The following KCNN2 variants were observed in gnomAD, a reference collection of about 807,000 sequenced individuals.
KCNN2 encodes the protein small conductance calcium-activated potassium channel protein 2.
Under a neutral mutation model 55.5 loss-of-function variants are expected in KCNN2, and 24 were observed. That is an observed-to-expected ratio of 0.43 (90% CI 0.31 to 0.61). The LOEUF (loss-of-function observed/expected upper bound fraction) is 0.61. KCNN2 is among the 20% of genes least tolerant of loss of function. The pLI is 0.08. For missense variants in KCNN2, 754 were observed against 853.6 expected, an observed-to-expected ratio of 0.88 and a Z score of 1.45; for synonymous variants, 431 against 336.1, an observed-to-expected ratio of 1.28 and a Z score of -3.09.
At chr5:114,356,144 G>A (rs1311946808) in intron 2 of KCNN2, among the ~76,000 whole-genome samples, 2 of 152,086 alleles carry the variant, frequency 1.3e-5, no homozygotes, top group Non-Finnish European at 2.9e-5. Context: ...TCAGAAGATT[G>A]TATTTGAAGT....
chr5:114,467,418 A>T (rs754692659), intron 4 of KCNN2, among the ~76,000 whole-genome samples: 1 of 152,198 alleles, frequency 6.6e-6, no homozygotes, highest in Non-Finnish European at 1.5e-5. Flanking sequence ...AAGGATTTTT[A>T]AAAATGTCTT....
intron 2 of KCNN2, among the ~76,000 whole-genome samples, chr5:114,364,238 G>A (rs1233198037): frequency 6.6e-6 from 1 of 152,180 alleles, no homozygotes; most frequent in African/African-American, 2.4e-5. Context: ...GGACCCTTAA[G>A]ATTTTTACTT....
chr5:114,216,137 A>G (rs1561526390), intron 1 of KCNN2, among the ~76,000 whole-genome samples: 2 of 152,106 alleles, frequency 1.3e-5, no homozygotes, highest in African/African-American at 4.8e-5. Flanking sequence ...TTAATCAGTG[A>G]TTTTCTGTTT....
chr5:114,394,146 C>T (rs1424975823), intron 2 of KCNN2, among the ~76,000 whole-genome samples: 9 of 152,176 alleles, frequency 5.9e-5, no homozygotes, highest in African/African-American at 1.9e-4. Context: ...ACTGTTTCCT[C>T]ATACATTCAA....
At chr5:114,119,315 AGATACACAAAAGTCT>A (rs1751780822) in intron 1 of KCNN2, among the ~76,000 whole-genome samples, 1 of 152,218 alleles carries the variant, frequency 6.6e-6, no homozygotes, top group African/African-American at 2.4e-5. Context: ...AATCGTACTT[AGATACACAAAAGTCT>A]GATAAATTAG....
At chr5:114,308,068 C>T (rs1265398151) in intron 2 of KCNN2, among the ~76,000 whole-genome samples, 4 of 152,048 alleles carry the variant, frequency 2.6e-5, no homozygotes, top group Admixed American at 2.0e-4. Context: ...TATTTACTCC[C>T]GAGAAGAAAC....
intron 1 of KCNN2, among the ~76,000 whole-genome samples, chr5:114,105,894 T>A (rs1273898016): frequency 6.6e-6 from 1 of 152,002 alleles, no homozygotes; most frequent in African/African-American, 2.4e-5. Context: ...TCATTTCTTG[T>A]TATACTTATT....
At chr5:114,405,536 CT>C (rs1758904381) in intron 3 of KCNN2, among the ~76,000 whole-genome samples, 2 of 152,100 alleles carry the variant, frequency 1.3e-5, no homozygotes, top group Admixed American at 1.3e-4. Context: ...GAAAAATAGA[CT>C]TATGACATAA....
At chr5:114,087,742 T>A (rs1580500014) in intron 1 of KCNN2, among the ~76,000 whole-genome samples, 1 of 152,130 alleles carries the variant, frequency 6.6e-6, no homozygotes, top group African/African-American at 2.4e-5. Flanking sequence ...TAGTATTCCA[T>A]TGTGTCTTCT....
intron 2 of KCNN2, among the ~76,000 whole-genome samples, chr5:114,282,484 TC>T (rs1755643691): frequency 1.3e-5 from 2 of 152,170 alleles, no homozygotes; most frequent in South Asian, 2.1e-4. Flanking sequence ...AGTAATACAA[TC>T]ATATTTATTG....
chr5:114,150,125 T>C (rs1409732399), intron 1 of KCNN2, among the ~76,000 whole-genome samples: 1 of 152,234 alleles, frequency 6.6e-6, no homozygotes, highest in Non-Finnish European at 1.5e-5. Flanking sequence ...CAGTCCAACC[T>C]GGCATTGACT....
intron 2 of KCNN2, among the ~76,000 whole-genome samples, chr5:114,229,687 T>G (rs1754316712): frequency 6.6e-6 from 1 of 152,126 alleles, no homozygotes. Context: ...GTACAATTTT[T>G]TAAAGAAAAC....
intron 1 of KCNN2, among the ~76,000 whole-genome samples, chr5:114,173,800 A>G (rs1426795817): frequency 2.0e-5 from 3 of 151,746 alleles, no homozygotes; most frequent in Non-Finnish European, 4.4e-5. Context: ...TTTATTTTTC[A>G]TCAATCATCA....
chr5:114,102,619 T>G (rs2112571210), intron 1 of KCNN2, among the ~76,000 whole-genome samples: 1 of 152,314 alleles, frequency 6.6e-6, no homozygotes, highest in African/African-American at 2.4e-5. Context: ...TTGTATAAGG[T>G]GTAAGGGAGG....
At chr5:114,114,505 C>T (rs1002320876) in intron 1 of KCNN2, among the ~76,000 whole-genome samples, 3 of 152,092 alleles carry the variant, frequency 2.0e-5, no homozygotes, top group Non-Finnish European at 4.4e-5. Flanking sequence ...TCCCAAAGTG[C>T]TGGAGTTATA....
In KCNN2 at chr5:114,347,255, A is replaced by G. The variant is rs540546297; in HGVS notation, c.-184-13690A>G. Among the ~76,000 whole-genome samples, 14 of 152,340 alleles carry G rather than the reference A, an allele frequency of 9.2e-5. No individual in the cohort carries two copies. In the South Asian group the frequency reaches 2.1e-3, roughly 23 times the overall value. ...TAATGCTATGTTTGCATAGTCTCAA[A>G]GAATCTTATAAGATACTTACTAACT... On this transcript the variant is annotated intron_variant, in intron 2 of 10. Coordinates refer to the KCNN2 transcript ENST00000512097.
At chr5:114,134,314 A>G (rs1752126036) in intron 1 of KCNN2, among the ~76,000 whole-genome samples, 1 of 151,120 alleles carries the variant, frequency 6.6e-6, no homozygotes, top group Admixed American at 6.6e-5. Flanking sequence ...TTTATTGGGA[A>G]ACTTTTTGAA....
chr5:114,200,062 TAGAC>T (rs1348180694), intron 1 of KCNN2, among the ~76,000 whole-genome samples: 6 of 152,198 alleles, frequency 3.9e-5, no homozygotes, highest in Non-Finnish European at 5.9e-5. Flanking sequence ...ACTCTCTTGA[TAGAC>T]AGGGAATTTT....
In KCNN2 at chr5:114,451,915, A is replaced by G. The variant is rs185596536; in HGVS notation, c.1638-11134A>G. Among the ~76,000 whole-genome samples the G allele has an allele frequency of 6.9e-3, 1,052 of 151,830 alleles. 8 individuals are homozygous for G. The highest frequency in any genetic ancestry group is 0.024 in the African/African-American group (1,006 of 41,444). ...CTGTCTCAAAAAAAAAAAAAAAAGA[A>G]TCAAATGGAATCCTGCCTAAATTAA... On this transcript the variant is annotated intron_variant, in intron 3 of 7. Transcript: ENST00000673685.
Sources: allele counts gnomAD v4.1 joint callset (sites outside exome capture counted in the v4.1 genomes callset), GRCh38; gene constraint gnomAD v4.1.1; transcripts MANE v1.5; gene names NCBI Gene and HGNC (gene_info 2026-07-23, HGNC 2026-07-21).